The following GPHN variants were observed in gnomAD, a reference collection of about 807,000 sequenced individuals.
GPHN encodes gephyrin.
A neutral mutation model predicts 95.5 loss-of-function variants in GPHN; 17 were observed. The observed-to-expected ratio is 0.18, with a 90% CI of 0.12 to 0.27. The LOEUF (loss-of-function observed/expected upper bound fraction) is 0.27, where lower values mean the gene tolerates loss of function less well. Among genes scored for constraint, GPHN ranks in the 10% least tolerant of loss-of-function variants. GPHN has a pLI of 1.00. For missense variants in GPHN, 660 were observed against 978.1 expected (o/e 0.67, Z 4.34); for synonymous variants, 320 against 322.5 (o/e 0.99, Z 0.08).
intron 17 of GPHN, among the ~76,000 whole-genome samples, chr14:67,140,155 G>A (rs1409495411): frequency 5.9e-5 from 9 of 152,158 alleles, no homozygotes; most frequent in East Asian, 1.9e-4. Context: ...AGGCCAAGGC[G>A]AGCAGATCAC....
At position 67,118,522 on chromosome 14, in the gene GPHN, G is replaced by A. The variant is rs575311567; in HGVS notation, c.1627-3734G>A. ...GGGTGGATCACAAGGTCAGGAAATT[G>A]AGACCATCTTGGCTAACACACGGTG... On this transcript the variant is annotated intron_variant, in intron 16 of 22. Coordinates refer to ENST00000478722, the MANE Select transcript of GPHN (RefSeq NM_020806.5). Among the ~76,000 whole-genome samples the A allele has an allele frequency of 3.3e-5, 5 of 152,174 alleles. No individual in the cohort carries two copies. In the East Asian group the frequency reaches 9.7e-4, roughly 29 times the overall value.
intron 18 of GPHN, among the ~76,000 whole-genome samples, chr14:67,155,776 A>C (rs2081548114): frequency 6.6e-6 from 1 of 152,146 alleles, no homozygotes; most frequent in Non-Finnish European, 1.5e-5. Flanking sequence ...AAATTCTAGG[A>C]GCTCTACTAA....
At chr14:66,890,307 C>G (rs915888832) in intron 5 of GPHN, among the ~76,000 whole-genome samples, 5 of 150,018 alleles carry the variant, frequency 3.3e-5, no homozygotes, top group African/African-American at 1.2e-4. Flanking sequence ...ACTCAGGGGT[C>G]TGAGGCAGGA....
chr14:67,371,997 G>T, the GPHN span, among the ~76,000 whole-genome samples: 1 of 152,140 alleles, frequency 6.6e-6, no homozygotes, highest in Non-Finnish European at 1.5e-5. Flanking sequence ...GGGCATGGTG[G>T]CTGAGGCCTG....
At chr14:66,886,142 AAC>A (rs2064176475) in intron 5 of GPHN, among the ~76,000 whole-genome samples, 3 of 152,190 alleles carry the variant, frequency 2.0e-5, no homozygotes, top group Admixed American at 2.0e-4. Context: ...ATATTTTAAA[AAC>A]ATAAAAAAAG....
chr14:67,390,568 G>A, the GPHN span: 1 of 868,090 alleles, frequency 1.2e-6, no homozygotes, highest in Non-Finnish European at 2.0e-6. Context: ...GCCAGGGGAA[G>A]GCAGGATATC....
At position 67,171,171 on chromosome 14, in the gene GPHN, A is replaced by G. The variant is rs188736769; in HGVS notation, c.2079+2135A>G. Among the ~76,000 whole-genome samples the G allele has an allele frequency of 3.3e-5, 5 of 152,276 alleles. No individual in the cohort carries two copies. The East Asian group carries it at 7.7e-4, about 24-fold the overall frequency. On this transcript the variant is annotated intron_variant, in intron 21 of 22. Coordinates refer to ENST00000478722, the MANE Select transcript of GPHN (RefSeq NM_020806.5). ...TGAGACCAGCCTGGGCAACATAGCA[A>G]CACCCTGCCTCTAAAAAAATTAACA...
At chr14:67,351,851 G>A in the GPHN span, among the ~76,000 whole-genome samples, 2 of 144,476 alleles carry the variant, frequency 1.4e-5, no homozygotes, top group Non-Finnish European at 3.0e-5. Context: ...AAAAGAAAAG[G>A]CGTGGAAAAA....
At chr14:67,492,694 G>A in the GPHN span, among the ~76,000 whole-genome samples, 4 of 152,218 alleles carry the variant, frequency 2.6e-5, no homozygotes, top group Non-Finnish European at 5.9e-5. Flanking sequence ...TTCACAGCCT[G>A]TACAGCCAAG....
At chr14:67,026,011 T>C (rs1451625489) in intron 10 of GPHN, among the ~76,000 whole-genome samples, 1 of 152,198 alleles carries the variant, frequency 6.6e-6, no homozygotes, top group East Asian at 1.9e-4. Context: ...ATCCTGACTT[T>C]CCTTTCTGTG....
chr14:67,161,875 G>A (rs1429219164), intron 19 of GPHN, among the ~76,000 whole-genome samples: 2 of 152,178 alleles, frequency 1.3e-5, no homozygotes, highest in African/African-American at 4.8e-5. Flanking sequence ...CAGTGCCTGT[G>A]ATAACTTTTA....
chr14:66,684,406 A>G (rs376460420), intron 2 of GPHN, among the ~76,000 whole-genome samples: 1 of 152,210 alleles, frequency 6.6e-6, no homozygotes, highest in Non-Finnish European at 1.5e-5. Context: ...AATGAGTTTT[A>G]TTAAGAATAT....
chr14:67,100,831 T>C, intron 12 of GPHN, 25 bp from the exon 13 acceptor site: 1 of 1,545,674 alleles, frequency 6.5e-7, no homozygotes, highest in Non-Finnish European at 8.9e-7. Flanking sequence ...CTGATGTTTG[T>C]TCTTGGCTCT....
chr14:67,553,640 C>G, the GPHN span, among the ~76,000 whole-genome samples: 2 of 152,238 alleles, frequency 1.3e-5, no homozygotes, highest in East Asian at 3.8e-4. Flanking sequence ...GGGGCCACCA[C>G]TATGTATCAA....
intron 1 of GPHN, among the ~76,000 whole-genome samples, chr14:66,539,743 A>C (rs1302589116): frequency 6.6e-6 from 1 of 152,034 alleles, no homozygotes; most frequent in African/African-American, 2.4e-5. Context: ...TCACCAGTGG[A>C]GTCTTTCTGT....
chr14:67,138,541 T>C (rs1192472135), intron 17 of GPHN, among the ~76,000 whole-genome samples: 1 of 152,162 alleles, frequency 6.6e-6, no homozygotes, highest in East Asian at 1.9e-4. Context: ...GAAAACTCAG[T>C]TTTTATATGT....
chr14:67,083,614 T>C (rs893137798), intron 11 of GPHN, among the ~76,000 whole-genome samples: 1 of 152,142 alleles, frequency 6.6e-6, no homozygotes, highest in Non-Finnish European at 1.5e-5. Context: ...ATTGAATATA[T>C]AGTTGACAAA....
chr14:67,638,963 G>C, the GPHN span, among the ~76,000 whole-genome samples: 48 of 152,338 alleles, frequency 3.2e-4, no homozygotes, highest in South Asian at 9.5e-3. Context: ...AGATGGCATC[G>C]GAGTAAATGG....
rs536428607 is a variant in GPHN at position 66,647,106 on chromosome 14, A to G, written c.65-34001A>G. Among the ~76,000 whole-genome samples the G allele has an allele frequency of 2.5e-3, 362 of 147,696 alleles. 4 individuals are homozygous for G. Among genetic ancestry groups the G allele is most frequent in the African/African-American group, 8.5e-3 (339 of 39,798 alleles). On this transcript the variant is annotated intron_variant, in intron 1 of 22. Transcript: ENST00000478722. ...TTTTTTTTAAAGTCAGGGTCTCACT[A>G]TGTTGCCCAGGCTGGTCTTGAATTC...
Sources: allele counts gnomAD v4.1 joint callset (sites outside exome capture counted in the v4.1 genomes callset), GRCh38; gene constraint gnomAD v4.1.1; transcripts MANE v1.5; gene names NCBI Gene and HGNC (gene_info 2026-07-23, HGNC 2026-07-21).